RABGAP1L: variants seen among roughly 807,000 people sequenced by gnomAD.
The protein encoded by RABGAP1L is RAB GTPase activating protein 1 like, also known as rab GTPase-activating protein 1-like.
A neutral mutation model predicts 137.7 loss-of-function variants in RABGAP1L; 63 were observed. The observed-to-expected ratio is 0.46, with a 90% CI of 0.37 to 0.56. The LOEUF (loss-of-function observed/expected upper bound fraction) is 0.56, where lower values mean the gene tolerates loss of function less well. Among genes scored for constraint, RABGAP1L ranks in the 20% least tolerant of loss-of-function variants. RABGAP1L has a pLI of 0.00. For missense variants in RABGAP1L, 1,095 were observed against 1,244.0 expected (o/e 0.88, Z 1.80); for synonymous variants, 431 against 433.7 (o/e 0.99, Z 0.08).
intron 13 of RABGAP1L, among the ~76,000 whole-genome samples, chr1:174,558,721 TG>T (rs1667031922): frequency 6.6e-6 from 1 of 152,200 alleles, no homozygotes; most frequent in East Asian, 1.9e-4. Context: ...TTCCTGATAA[TG>T]AAAAGTTACT....
At chr1:174,546,317 A>T (rs1048803859) in intron 13 of RABGAP1L, among the ~76,000 whole-genome samples, 1 of 152,218 alleles carries the variant, frequency 6.6e-6, no homozygotes, top group Non-Finnish European at 1.5e-5. Flanking sequence ...TATCTAAAAA[A>T]TTTTAAAGTA....
At chr1:174,734,551 A>G (rs1206434321) in intron 17 of RABGAP1L, among the ~76,000 whole-genome samples, 1 of 152,224 alleles carries the variant, frequency 6.6e-6, no homozygotes, top group Non-Finnish European at 1.5e-5. Context: ...CCAGAACTCA[A>G]TTAGGAGACA....
chr1:174,396,352 CAAA>C (rs1040959657), intron 13 of RABGAP1L, among the ~76,000 whole-genome samples: 1 of 151,604 alleles, frequency 6.6e-6, no homozygotes, highest in Non-Finnish European at 1.5e-5. Context: ...TTCACACACA[CAAA>C]AAAAGATCCA....
At chr1:174,325,841 G>T (rs560825135) in intron 11 of RABGAP1L, among the ~76,000 whole-genome samples, 1 of 152,316 alleles carries the variant, frequency 6.6e-6, no homozygotes, top group Admixed American at 6.5e-5. Flanking sequence ...CTGCACTAAA[G>T]GGGCCGTTTA....
At chr1:174,614,213 G>A in intron 13 of RABGAP1L, among the ~76,000 whole-genome samples, 1 of 152,124 alleles carries the variant, frequency 6.6e-6, no homozygotes, top group Non-Finnish European at 1.5e-5. Context: ...TCCTTTCCAT[G>A]TTTAGCGCTT....
intron 14 of RABGAP1L, among the ~76,000 whole-genome samples, chr1:174,665,795 A>T (rs1410228125): frequency 2.6e-5 from 4 of 152,250 alleles, no homozygotes; most frequent in African/African-American, 9.6e-5. Context: ...ATTGAGGATA[A>T]TAAGAGTACT....
chr1:174,307,939 G>T (rs572927826), intron 11 of RABGAP1L, among the ~76,000 whole-genome samples: 1 of 152,192 alleles, frequency 6.6e-6, no homozygotes, highest in African/African-American at 2.4e-5. Context: ...TACCAATAGT[G>T]TTCAAGGGTT....
intron 19 of RABGAP1L, among the ~76,000 whole-genome samples, chr1:174,956,579 A>G (rs1366351517): frequency 1.3e-5 from 2 of 151,714 alleles, no homozygotes; most frequent in African/African-American, 2.4e-5. Flanking sequence ...TTGAGTTTTC[A>G]TTGTCAAACA....
At chr1:174,886,646 C>T (rs1454157262) in intron 19 of RABGAP1L, among the ~76,000 whole-genome samples, 2 of 152,140 alleles carry the variant, frequency 1.3e-5, no homozygotes, top group Admixed American at 6.5e-5. Context: ...CTTTAATGCT[C>T]TTTGTTTGCT....
intron 15 of RABGAP1L, among the ~76,000 whole-genome samples, chr1:174,689,185 A>G (rs986704242): frequency 5.3e-5 from 8 of 151,982 alleles, no homozygotes; most frequent in African/African-American, 1.7e-4. Context: ...ATTAAAAATT[A>G]TAAATTTTAA....
intron 15 of RABGAP1L, among the ~76,000 whole-genome samples, chr1:174,690,921 T>G (rs1678828852): frequency 6.7e-6 from 1 of 150,208 alleles, no homozygotes; most frequent in Admixed American, 6.7e-5. Flanking sequence ...TAGCCTCTTC[T>G]CCTGGGTTCA....
At chr1:174,596,472 C>G (rs77031213) in intron 13 of RABGAP1L, among the ~76,000 whole-genome samples, 3,446 of 152,194 alleles carry the variant, frequency 0.023, 62 homozygotes, top group Middle Eastern at 0.085. Context: ...TTATTTGTAG[C>G]TGTTGCAAAT....
rs1359535095 is a variant in RABGAP1L, at chr1:174,874,604, C to G, written c.2340+62644C>G. ...TTTTTTTTTTTTTTTTTTTTTTTTT[C>G]CAATGCAGTTGCGTGGTGTGAAGGC... is the stretch of plus-strand genomic sequence containing the variant. On this transcript the variant is annotated intron_variant, in intron 19 of 25. Coordinates refer to ENST00000681986, the MANE Select transcript of RABGAP1L (RefSeq NM_001366446.1). 4.7e-5 allele frequency: 18 copies of G among 384,700 alleles called. No individual in the cohort carries two copies. In the East Asian group the frequency reaches 4.2e-3, roughly 89 times the overall value. The allele number at this position is 384,700 out of a possible 1,614,324, so 23.8% of individuals were successfully genotyped here.
chr1:174,672,265 AT>A (rs75473740), intron 14 of RABGAP1L, among the ~76,000 whole-genome samples: 77,706 of 133,642 alleles, frequency 0.58, 24,065 homozygotes, highest in African/African-American at 0.85. Context: ...CATTTCATTG[AT>A]TTTTTTTTTC....
At chr1:174,331,581 G>A (rs1411908892) in intron 11 of RABGAP1L, among the ~76,000 whole-genome samples, 1 of 152,150 alleles carries the variant, frequency 6.6e-6, no homozygotes, top group Non-Finnish European at 1.5e-5. Context: ...ACCATAATGA[G>A]GTATTGCCTT....
chr1:174,315,184 T>C (rs1016898466), intron 11 of RABGAP1L, among the ~76,000 whole-genome samples: 1 of 152,200 alleles, frequency 6.6e-6, no homozygotes, highest in Non-Finnish European at 1.5e-5. Context: ...AGGGCAGATA[T>C]ATTTAAAATT....
rs780799200 is a variant in RABGAP1L at position 174,877,511 on chromosome 1, C to T, written c.2340+65551C>T. On this transcript the variant is annotated intron_variant, in intron 19 of 25. Coordinates refer to ENST00000681986, the MANE Select transcript of RABGAP1L (RefSeq NM_001366446.1). ...GCTGGCAAGATGATGGAAGAAATCT[C>T]CATTATGGTAGCCTATGACGCCCAT... 7 of 1,614,110 alleles carry T rather than the reference C, an allele frequency of 4.3e-6. No individual in the cohort carries two copies. The South Asian group carries it at 7.7e-5, about 18-fold the overall frequency.
chr1:174,421,178 AT>A (rs994615104), intron 13 of RABGAP1L, among the ~76,000 whole-genome samples: 2 of 151,460 alleles, frequency 1.3e-5, no homozygotes, highest in South Asian at 2.1e-4. Context: ...GACACTTCAT[AT>A]TTTTTTTTAT....
At chr1:174,436,785 GACCCCTGAGTAGCCTAATTGGGAGGCAAC>G (rs1330028878) in intron 13 of RABGAP1L, among the ~76,000 whole-genome samples, 8 of 152,134 alleles carry the variant, frequency 5.3e-5, no homozygotes, top group Non-Finnish European at 8.8e-5. Flanking sequence ...GTGGGTCCCT[GACCCCTGAGTAGCCTAATTGGGAGGCAAC>G]CCCCCAGTAG....
Sources: gnomAD v4.1 joint callset for allele counts (sites outside exome capture counted in the v4.1 genomes callset) on GRCh38, gnomAD v4.1.1 for gene constraint, MANE v1.5 for transcripts, NCBI Gene and HGNC (gene_info 2026-07-23, HGNC 2026-07-21) for gene names.